Variants in NPEPPS observed in about 807,000 individuals in gnomAD.
NPEPPS encodes the protein puromycin-sensitive aminopeptidase.
In NPEPPS, 14 loss-of-function variants were observed where a neutral mutation model predicts 115.5. That is an observed-to-expected ratio of 0.12 (90% CI 0.08 to 0.19). The LOEUF (loss-of-function observed/expected upper bound fraction) is 0.19, where lower values mean the gene tolerates loss of function less well. Among genes scored for constraint, NPEPPS ranks in the 10% least tolerant of loss-of-function variants. The pLI is 1.00. For missense variants in NPEPPS, 523 were observed against 1,110.8 expected (o/e 0.47, Z 7.52); for synonymous variants, 285 against 390.6 (o/e 0.73, Z 3.19).
chr17:47,573,071 C>T (rs1422118550), intron 3 of NPEPPS, among the ~76,000 whole-genome samples: 1 of 152,146 alleles, frequency 6.6e-6, no homozygotes. Flanking sequence ...CCACTGTGCC[C>T]GGCCAGAAGA....
At chr17:47,607,703 T>C (rs1473957485) in intron 17 of NPEPPS, among the ~76,000 whole-genome samples, 4 of 152,206 alleles carry the variant, frequency 2.6e-5, no homozygotes, top group Non-Finnish European at 4.4e-5. Flanking sequence ...AAAGTCTGTG[T>C]ATATTTTGAA....
At chr17:47,604,755 T>C (rs1307501693) in intron 16 of NPEPPS, among the ~76,000 whole-genome samples, 2 of 152,136 alleles carry the variant, frequency 1.3e-5, no homozygotes, top group Non-Finnish European at 2.9e-5. Context: ...CCCAGGAGAG[T>C]GAGCTGTTTG....
At chr17:47,597,201 G>A (rs188130028) in intron 13 of NPEPPS, among the ~76,000 whole-genome samples, 3 of 152,242 alleles carry the variant, frequency 2.0e-5, no homozygotes, top group African/African-American at 7.2e-5. Context: ...GGTTTTTAAT[G>A]TTGGTTGGAT....
At chr17:47,614,281 CTG>C (rs1342344573) in intron 19 of NPEPPS, among the ~76,000 whole-genome samples, 5 of 152,102 alleles carry the variant, frequency 3.3e-5, no homozygotes, top group African/African-American at 1.2e-4. Context: ...AATTTTAACA[CTG>C]AAATAAATGT....
intron 17 of NPEPPS, among the ~76,000 whole-genome samples, chr17:47,607,021 C>T (rs563591876): frequency 3.4e-4 from 52 of 151,752 alleles, no homozygotes; most frequent in African/African-American, 1.2e-3. Context: ...GGTGAAACCC[C>T]GTCTCTACTA....
intron 2 of NPEPPS, among the ~76,000 whole-genome samples, chr17:47,546,587 G>A (rs2143715697): frequency 6.6e-6 from 1 of 152,040 alleles, no homozygotes; most frequent in East Asian, 1.9e-4. Flanking sequence ...CACCCAGGCT[G>A]GAGTGCAGTG....
intron 1 of NPEPPS, among the ~76,000 whole-genome samples, chr17:47,543,655 G>A (rs1908955546): frequency 6.6e-6 from 1 of 151,872 alleles, no homozygotes; most frequent in Non-Finnish European, 1.5e-5. Context: ...CCATTAGATT[G>A]TCAAAAATAT....
intron 2 of NPEPPS, among the ~76,000 whole-genome samples, chr17:47,557,238 C>T (rs1449174789): frequency 6.6e-6 from 1 of 151,928 alleles, no homozygotes; most frequent in Non-Finnish European, 1.5e-5. Flanking sequence ...CCACCACACC[C>T]AGCTAATTTT....
At position 47,622,143 on chromosome 17, in the gene NPEPPS, T is replaced by C; in HGVS notation, c.*223T>C. 8.3e-7 allele frequency: 1 copy of C among 1,203,130 alleles called. No homozygotes were observed. The allele number at this position is 1,203,130 out of a possible 1,614,324, so 74.5% of individuals were successfully genotyped here. A position where few individuals can be genotyped will look rare whatever the true frequency, so the allele number is the denominator to read the frequency against. ...AAAAAATAAATAAAAAATAAAAATGTAAATATGATAGTAATAAAATAGAGC... is the reference window on the plus strand; with the variant it reads ...AAAAAATAAATAAAAAATAAAAATGCAAATATGATAGTAATAAAATAGAGC... On this transcript the variant is annotated 3_prime_UTR_variant, in exon 23 of 23. Coordinates refer to ENST00000322157, the MANE Select transcript of NPEPPS (RefSeq NM_006310.4).
chr17:47,560,336 A>G (rs1910347757), intron 2 of NPEPPS, among the ~76,000 whole-genome samples: 1 of 152,212 alleles, frequency 6.6e-6, no homozygotes, highest in Non-Finnish European at 1.5e-5. Context: ...ACAGTCATTT[A>G]TTAAGAGCAG....
At chr17:47,542,546 C>CAA (rs397857323) in intron 1 of NPEPPS, among the ~76,000 whole-genome samples, 44 of 82,932 alleles carry the variant, frequency 5.3e-4, no homozygotes, top group East Asian at 6.9e-4. Context: ...AGCTCCGTCT[C>CAA]AAAAAAAAAA....
intron 2 of NPEPPS, among the ~76,000 whole-genome samples, chr17:47,562,370 G>T (rs546264595): frequency 6.6e-6 from 1 of 152,290 alleles, no homozygotes; most frequent in Non-Finnish European, 1.5e-5. Context: ...ATTAGAAGGT[G>T]CTCAGCTGGT....
At chr17:47,619,999 G>A (rs1055803393) in intron 22 of NPEPPS, 3 of 438,126 alleles carry the variant, frequency 6.8e-6, no homozygotes, top group Non-Finnish European at 8.3e-6. Context: ...TTGGGAGGCC[G>A]AGGTGGGTGG....
chr17:47,613,423 C>T (rs774063958), intron 18 of NPEPPS, among the ~76,000 whole-genome samples: 2 of 151,758 alleles, frequency 1.3e-5, no homozygotes, highest in Non-Finnish European at 2.9e-5. Context: ...CCTGCTACCA[C>T]GCCCAGCTAA....
chr17:47,554,160 C>T (rs1296574669), intron 2 of NPEPPS, among the ~76,000 whole-genome samples: 1 of 151,872 alleles, frequency 6.6e-6, no homozygotes, highest in East Asian at 1.9e-4. Context: ...CCTGCCTCAG[C>T]CTCCCAAGTA....
rs1363582339 is a variant in NPEPPS at position 47,531,292 on chromosome 17, G to A, written c.-9G>A. ...TCGCTCTCCTCCGGCGGTCGCCCGC[G>A]CTCGGTGGATGTGGCTGGCAGCTGC... On this transcript the variant is annotated 5_prime_UTR_variant, in exon 1 of 23. Transcript: ENST00000322157. 1.4e-6 allele frequency: 2 copies of A among 1,434,100 alleles called. No homozygotes were observed. The highest frequency in any genetic ancestry group is 9.3e-7 in the Non-Finnish European group (1 of 1,076,446). 88.8% of individuals were successfully genotyped at this position (1,434,100 alleles called of 1,614,324 possible). A position where few individuals can be genotyped will look rare whatever the true frequency, so the allele number is the denominator to read the frequency against.
At chr17:47,540,039 T>A (rs1908639079) in intron 1 of NPEPPS, among the ~76,000 whole-genome samples, 1 of 152,202 alleles carries the variant, frequency 6.6e-6, no homozygotes, top group Non-Finnish European at 1.5e-5. Flanking sequence ...TGTTCCTGAG[T>A]GACTGTAGTA....
At chr17:47,559,280 G>C (rs572856000) in intron 2 of NPEPPS, among the ~76,000 whole-genome samples, 22 of 152,208 alleles carry the variant, frequency 1.4e-4, no homozygotes, top group Non-Finnish European at 2.5e-4. Flanking sequence ...GGCTTCAAGG[G>C]ATTCTCTCAC....
rs74606579 is a variant in NPEPPS, at chr17:47,613,281, T to C, written c.2239-388T>C. ...ACTTTTTTTTTTTTTTTTTTTTTTTTCTGAGACGGAGTCTCACTCTGTTAC... is the reference window on the plus strand; with the variant it reads ...ACTTTTTTTTTTTTTTTTTTTTTTTCCTGAGACGGAGTCTCACTCTGTTAC... On this transcript the variant is annotated intron_variant, in intron 18 of 22. Coordinates refer to ENST00000322157, the MANE Select transcript of NPEPPS (RefSeq NM_006310.4). Among the ~76,000 whole-genome samples the C allele has an allele frequency of 2.8e-4, 41 of 145,808 alleles. No individual in the cohort carries two copies. In the East Asian group the frequency reaches 5.8e-3, roughly 20 times the overall value.
Sources: gnomAD v4.1 joint callset for allele counts (sites outside exome capture counted in the v4.1 genomes callset) on GRCh38, gnomAD v4.1.1 for gene constraint, MANE v1.5 for transcripts, NCBI Gene and HGNC (gene_info 2026-07-23, HGNC 2026-07-21) for gene names.